Variants in MORN3 observed in about 807,000 individuals in gnomAD.
MORN3 encodes the protein MORN repeat-containing protein 3.
In MORN3, 38 loss-of-function variants were observed where a neutral mutation model predicts 34.7. That is an observed-to-expected ratio of 1.10 (90% CI 0.85 to 1.44). The LOEUF (loss-of-function observed/expected upper bound fraction) is 1.44, where lower values mean the gene tolerates loss of function less well. MORN3 is among the 40% of genes most tolerant of loss of function. The pLI, the probability that MORN3 is intolerant of heterozygous loss-of-function variation, is 0.00. For synonymous variants in MORN3, 109 were observed against 115.3 expected, an observed-to-expected ratio of 0.95 and a Z score of 0.35; for missense variants, 311 against 321.7, an observed-to-expected ratio of 0.97 and a Z score of 0.25.
chr12:121,654,476 C>T, intron 2 of MORN3, 43 bp from the exon 3 acceptor site: 1 of 1,522,428 alleles, frequency 6.6e-7, no homozygotes, highest in Non-Finnish European at 8.9e-7. Context: ...CCCCCCAACA[C>T]CACCAGGAAA....
rs1893888166 is a variant in MORN3, at chr12:121,669,632, T to C, written c.-149A>G. ...CCTGGGGCAGGTGAACAGCCCTTAG[T>C]GGGGATCCTTTAGTGCTGGACTGAC... On this transcript the variant is annotated 5_prime_UTR_variant, in exon 1 of 6. Transcript: ENST00000355329. 8.9e-7 allele frequency: 1 copy of C among 1,128,464 alleles called. No individual in the cohort carries two copies. Among genetic ancestry groups the C allele is most frequent in the East Asian group, 2.6e-5 (1 of 37,916 alleles). The allele number at this position is 1,128,464 out of a possible 1,614,324, so 69.9% of individuals were successfully genotyped here. A position where few individuals can be genotyped will look rare whatever the true frequency, so the allele number is the denominator to read the frequency against.
chr12:121,664,773 G>A (rs1594233163), intron 1 of MORN3, among the ~76,000 whole-genome samples: 1 of 151,638 alleles, frequency 6.6e-6, no homozygotes. Flanking sequence ...ATTTAGAGTG[G>A]GAGAGGGGTG....
intron 1 of MORN3, among the ~76,000 whole-genome samples, chr12:121,662,588 T>C (rs543519444): frequency 6.6e-6 from 1 of 152,068 alleles, no homozygotes; most frequent in African/African-American, 2.4e-5. Flanking sequence ...ACCCCGTCTC[T>C]ACTAAAAATA....
At chr12:121,652,880 C>T in intron 4 of MORN3, 72 bp from the exon 5 acceptor site, 1 of 1,550,598 alleles carries the variant, frequency 6.4e-7, no homozygotes, top group African/African-American at 1.4e-5. Flanking sequence ...ACTGGCGCTG[C>T]CTGCCGTGTG....
rs188672464 is a variant in MORN3, at chr12:121,653,926, A to G, written c.463+348T>C. Among the ~76,000 whole-genome samples, 90 of 152,150 alleles carry G rather than the reference A, an allele frequency of 5.9e-4. 1 individual carries two copies. Among genetic ancestry groups the G allele is most frequent in the Middle Eastern group, 6.8e-3 (2 of 294 alleles). The stretch of plus-strand genomic sequence containing the variant: ...CAACCATTACCTCTATCTAGTTTCA[A>G]AACGTTTTAATCACCCGAAAAGGAA... On this transcript the variant is annotated intron_variant, in intron 3 of 5. Transcript: ENST00000355329.
rs917872557 is a variant in MORN3, at chr12:121,669,548, G to T, written c.-65C>A. 4 of 1,595,166 alleles carry T rather than the reference G, an allele frequency of 2.5e-6. No individual in the cohort carries two copies. Among genetic ancestry groups the T allele is most frequent in the Non-Finnish European group, 2.6e-6 (3 of 1,168,750 alleles). ...GTTAGGGACATCTGGGGCTCAGCGC[G>T]CCCCGTGTAATGCCGGGATCCTGAG... On this transcript the variant is annotated 5_prime_UTR_variant, in exon 1 of 6. Coordinates refer to ENST00000355329, the MANE Select transcript of MORN3 (RefSeq NM_173855.5).
chr12:121,664,413 A>T (rs145846463), intron 1 of MORN3, among the ~76,000 whole-genome samples: 2 of 152,298 alleles, frequency 1.3e-5, no homozygotes, highest in East Asian at 3.9e-4. Context: ...TGGGGCCAGG[A>T]AGGGCAGTCC....
chr12:121,664,801 A>AC (rs1392406843), intron 1 of MORN3, among the ~76,000 whole-genome samples: 10 of 148,750 alleles, frequency 6.7e-5, no homozygotes, highest in African/African-American at 2.5e-4. Flanking sequence ...AGGAAATAAA[A>AC]CCGGGAGGAA....
rs782815065 is a variant in MORN3 at position 121,654,365 on chromosome 12, G to T, written c.372C>A (p.Ser124Arg). ...YEGDWCGSQR[S>R]GWGRMYYSNG... ...TGCTGTAATACATGCGGCCCCACCC[G>T]CTGCGCTGGCTGCCACACCAGTCAC... Residue 124 changes from serine to arginine, a missense_variant, in exon 3 of 6, where the codon AGC (serine) becomes AGA (arginine). Transcript: ENST00000355329. The T allele has an allele frequency of 1.9e-6, 3 of 1,600,174 alleles. No homozygotes were observed. Among genetic ancestry groups the T allele is most frequent in the Non-Finnish European group, 2.6e-6 (3 of 1,173,998 alleles).
chr12:121,664,944 C>G (rs1468252596), intron 1 of MORN3, among the ~76,000 whole-genome samples: 1 of 150,750 alleles, frequency 6.6e-6, no homozygotes, highest in Non-Finnish European at 1.5e-5. Context: ...TCTCTCCTAC[C>G]GCAGGCAAAT....
chr12:121,656,709 G>A (rs78274907), intron 2 of MORN3, among the ~76,000 whole-genome samples: 4,482 of 151,716 alleles, frequency 0.03, 179 homozygotes, highest in East Asian at 0.11. Context: ...TAGTAGAGAC[G>A]GGGGTTTCAC....
At chr12:121,670,831 C>T (rs981750987), upstream of MORN3, among the ~76,000 whole-genome samples, 6 of 151,038 alleles carry the variant, frequency 4.0e-5, no homozygotes, top group South Asian at 4.2e-4. Flanking sequence ...TAAAATAGGC[C>T]GGGCTCAGTG....
At chr12:121,672,238 C>T (rs760669922), upstream of MORN3, among the ~76,000 whole-genome samples, 1 of 150,984 alleles carries the variant, frequency 6.6e-6, no homozygotes, top group Non-Finnish European at 1.5e-5. Context: ...GCGGGAGGAT[C>T]ACATGAGTCC....
At chr12:121,659,131 A>ACACG (rs1893500142) in intron 2 of MORN3, 60 bp downstream of exon 2, 1 of 1,405,758 alleles carries the variant, frequency 7.1e-7, no homozygotes, top group Non-Finnish European at 9.5e-7. Flanking sequence ...CTAAACACAC[A>ACACG]CGCGCGCACA....
chr12:121,658,511 A>C (rs1253049810), intron 2 of MORN3, among the ~76,000 whole-genome samples: 2 of 146,764 alleles, frequency 1.4e-5, no homozygotes, highest in Non-Finnish European at 3.0e-5. Context: ...GCTCGCAGTG[A>C]GCCAAGATGG....
At chr12:121,672,225 G>T (rs1236028327), upstream of MORN3, among the ~76,000 whole-genome samples, 1 of 151,924 alleles carries the variant, frequency 6.6e-6, no homozygotes, top group Non-Finnish European at 1.5e-5. Flanking sequence ...TTGGGAAGCT[G>T]ATGCGGGAGG....
At chr12:121,654,473 A>C (rs1440499942) in intron 2 of MORN3, 40 bp from the exon 3 acceptor site, 6 of 1,525,806 alleles carry the variant, frequency 3.9e-6, no homozygotes, top group African/African-American at 1.4e-5. Context: ...GCGCCCCCCA[A>C]CACCACCAGG....
chr12:121,659,128 C>T (rs985682204), intron 2 of MORN3, 63 bp downstream of exon 2: 2 of 1,514,722 alleles, frequency 1.3e-6, no homozygotes, highest in African/African-American at 3.6e-5. Context: ...CCCCTAAACA[C>T]ACACGCGCGC....
chr12:121,670,832 G>A (rs567690372), upstream of MORN3, among the ~76,000 whole-genome samples: 6 of 140,296 alleles, frequency 4.3e-5, no homozygotes, highest in African/African-American at 1.6e-4. Context: ...AAAATAGGCC[G>A]GGCTCAGTGG....
Sources: gnomAD v4.1 joint callset for allele counts (sites outside exome capture counted in the v4.1 genomes callset) on GRCh38, gnomAD v4.1.1 for gene constraint, MANE v1.5 for transcripts, NCBI Gene and HGNC (gene_info 2026-07-23, HGNC 2026-07-21) for gene names.